Variants in ABCC5 observed in about 807,000 individuals in gnomAD.
ABCC5 encodes ATP binding cassette subfamily C member 5.
ABCC5 carries 61 observed loss-of-function variants against 160.9 expected under a neutral mutation model. That is an observed-to-expected ratio of 0.38 (90% CI 0.31 to 0.47). The LOEUF is 0.47. Among genes scored for constraint, ABCC5 ranks in the 20% least tolerant of loss-of-function variants. The pLI is 0.99. For missense variants in ABCC5, 1,308 were observed against 1,813.3 expected (o/e 0.72, Z 5.06); for synonymous variants, 666 against 700.6 (o/e 0.95, Z 0.78).
intron 2 of ABCC5, among the ~76,000 whole-genome samples, chr3:184,007,742 G>A (rs926711916): frequency 2.6e-5 from 4 of 152,110 alleles, no homozygotes; most frequent in African/African-American, 9.7e-5. Context: ...GAGGAGAATC[G>A]CTTGAACTTG....
intron 2 of ABCC5, among the ~76,000 whole-genome samples, chr3:183,990,582 A>C (rs564857396): frequency 6.6e-6 from 1 of 152,330 alleles, no homozygotes; most frequent in Non-Finnish European, 1.5e-5. Context: ...CCTGCCACAC[A>C]GAAAGAGCCT....
chr3:183,977,579 T>G lies in ABCC5; in HGVS notation c.1342A>C (p.Lys448Gln). 6.2e-7 allele frequency: 1 copy of G among 1,614,096 alleles called. No homozygotes were observed. The highest frequency in any genetic ancestry group is 1.7e-5 in the Admixed American group (1 of 60,016). Residue 448 changes from lysine (K) to glutamine (Q), a missense_variant, in exon 10 of 30, where the codon AAA (lysine) becomes CAA (glutamine). This residue lies in a region of ABCC5 where 1,142 missense variants were observed against 1,527.1 expected (regional missense o/e 0.75). Transcript: ENST00000334444. ...TVFNSMTFAL[K>Q]VTPFSVKSLS... Reference sequence around the variant, plus strand: ...GACTTTACTGAAAACGGTGTTACTTTCAAAGCAAAAGTCATGGAATTGAAG... The same window carrying G: ...GACTTTACTGAAAACGGTGTTACTTGCAAAGCAAAAGTCATGGAATTGAAG...
chr3:183,990,172 G>A (rs1333295520), intron 2 of ABCC5, among the ~76,000 whole-genome samples: 4 of 151,806 alleles, frequency 2.6e-5, no homozygotes, highest in African/African-American at 9.7e-5. Flanking sequence ...GCAGTGGCAT[G>A]ATCTTGGATC....
rs1230302046 is a variant in ABCC5 at position 183,982,819 on chromosome 3, C to T, written c.780G>A (p.Lys260=). ...LRGAILTMAF[K]KILKLKNIKE... Reference sequence around the variant, plus strand: ...TAATGTTCTTTAACTTAAGGATCTTCTTAAATGCCATGGTTAGGATGGCCC... The same window carrying T: ...TAATGTTCTTTAACTTAAGGATCTTTTTAAATGCCATGGTTAGGATGGCCC... The change falls in exon 6 of 30, where the codon AAG becomes AAA. Residue 260 remains lysine, a synonymous_variant. Transcript: ENST00000334444. The surrounding 1 kb of genome is among the most constrained non-coding windows in gnomAD (Gnocchi z 5.2). 1 of 1,614,220 alleles carries T rather than the reference C, an allele frequency of 6.2e-7. No individual in the cohort carries two copies. The highest frequency in any genetic ancestry group is 1.7e-5 in the Admixed American group (1 of 60,026).
intron 12 of ABCC5, among the ~76,000 whole-genome samples, chr3:183,965,815 T>C (rs1006657147): frequency 2.0e-4 from 30 of 152,320 alleles, no homozygotes; most frequent in Admixed American, 1.6e-3. Context: ...TGCAGAATTC[T>C]CCTGGAGAGG....
Position 183,965,213 on chromosome 3 carries a change from G to C in ABCC5, c.2003C>G (p.Ala668Gly). 6.2e-7 allele frequency: 1 copy of C among 1,614,196 alleles called. No homozygotes were observed. Among genetic ancestry groups the C allele is most frequent in the African/African-American group, 1.3e-5 (1 of 75,062 alleles). Residue 668 changes from alanine (A) to glycine (G), a missense_variant, in exon 14 of 30, where the codon GCC (alanine) becomes GGC (glycine). By Grantham distance (60) the Ala-to-Gly change is moderately conservative. Transcript: ENST00000334444. Reference sequence around the variant, plus strand: ...CGTCAGGTCGCTGCTGGGAAGAATGGCCAGGTCAGGCCTCAGGCAGCAGCT... The same window carrying C: ...CGTCAGGTCGCTGCTGGGAAGAATGCCCAGGTCAGGCCTCAGGCAGCAGCT... Reference protein sequence around the residue: ...LNSCCLRPDLAILPSSDLTEI... With the variant: ...LNSCCLRPDLGILPSSDLTEI...
intron 23 of ABCC5, 85 bp downstream of exon 23, chr3:183,947,239 G>A: frequency 1.5e-6 from 2 of 1,365,822 alleles, no homozygotes; most frequent in Non-Finnish European, 1.9e-6. Context: ...GCTCAGGGTG[G>A]AGCCCCCCAC....
chr3:183,956,702 A>G (rs1042656029), intron 17 of ABCC5, among the ~76,000 whole-genome samples: 2 of 69,422 alleles, frequency 2.9e-5, no homozygotes, highest in Non-Finnish European at 5.3e-5. Flanking sequence ...ATCCGTGTGT[A>G]TATCATATAG....
chr3:183,976,400 G>A (rs113780654), intron 10 of ABCC5, among the ~76,000 whole-genome samples: 172 of 151,982 alleles, frequency 1.1e-3, no homozygotes, highest in African/African-American at 3.9e-3. Flanking sequence ...GACTGTGGGC[G>A]CACACCACTG....
intron 14 of ABCC5, among the ~76,000 whole-genome samples, chr3:183,964,095 A>G (rs1173711770): frequency 6.6e-6 from 1 of 152,178 alleles, no homozygotes; most frequent in African/African-American, 2.4e-5. Context: ...GTATACTATG[A>G]ACATGACAAT....
intron 2 of ABCC5, chr3:184,006,520 G>A (rs1467305788): frequency 6.6e-6 from 1 of 152,186 alleles, no homozygotes; most frequent in Non-Finnish European, 1.5e-5. Flanking sequence ...TCCTTAGTCT[G>A]TAAAGAAAAG....
intron 27 of ABCC5, 84 bp from the exon 28 acceptor site, chr3:183,927,527 T>C: frequency 2.0e-6 from 3 of 1,509,532 alleles, no homozygotes; most frequent in Non-Finnish European, 2.7e-6. Flanking sequence ...GAAATGATTC[T>C]GAAAGCGATG....
intron 10 of ABCC5, among the ~76,000 whole-genome samples, chr3:183,972,429 A>G (rs1717839549): frequency 6.6e-6 from 1 of 152,184 alleles, no homozygotes; most frequent in Admixed American, 6.5e-5. Context: ...TACCGTCAGA[A>G]AAGAGTATCT....
Position 183,947,466 on chromosome 3 carries a change from A to C in ABCC5, c.3272T>G (p.Phe1091Cys). 6.2e-7 allele frequency: 1 copy of C among 1,608,914 alleles called. No homozygotes were observed. ...LDDNQAPFFL[F>C]TCAMRWLAVR... Reference sequence around the variant, plus strand: ...AGCCAGCCACCGCATCGCACACGTAAACAAAAAAAAAGGAGCTTGGTTGTC... The same window carrying C: ...AGCCAGCCACCGCATCGCACACGTACACAAAAAAAAAGGAGCTTGGTTGTC... Residue 1091 changes from phenylalanine to cysteine, a missense_variant, in exon 23 of 30, where the codon TTT (phenylalanine) becomes TGT (cysteine). Physicochemically the swap from Phe to Cys is radical, Grantham distance 205. This residue lies in a region of ABCC5 where 1,142 missense variants were observed against 1,527.1 expected (regional missense o/e 0.75). Coordinates refer to ENST00000334444, the MANE Select transcript of ABCC5 (RefSeq NM_005688.4).
Position 184,014,203 on chromosome 3 carries a change from C to T in ABCC5, c.129+61G>A, listed in dbSNP as rs371353013. 1.8e-4 allele frequency: 272 copies of T among 1,513,330 alleles called. 4 individuals carry two copies. In the South Asian group the frequency reaches 2.2e-3, roughly 12 times the overall value. The allele number at this position is 1,513,330 out of a possible 1,614,324, so 93.7% of individuals were successfully genotyped here. ...ATAAGTTTCTAAATTACCCATTATA[C>T]GAAAAAAGATGTGTTTTAGTACAAC... is the stretch of plus-strand genomic sequence containing the variant. On this transcript the variant is annotated intron_variant, in intron 2 of 29. Transcript: ENST00000334444.
At chr3:184,001,392 T>C (rs1720732401) in intron 2 of ABCC5, 2 of 418,742 alleles carry the variant, frequency 4.8e-6, no homozygotes, top group South Asian at 6.7e-5. Context: ...TTTTTCGTAC[T>C]AAGTCTCTGA....
intron 5 of ABCC5, chr3:183,983,872 A>G: frequency 1.1e-5 from 11 of 985,494 alleles, no homozygotes; most frequent in Non-Finnish European, 1.3e-5. Flanking sequence ...AAACATACAG[A>G]GTCGAGTTAT....
chr3:183,984,220 A>C, intron 5 of ABCC5: 1 of 985,688 alleles, frequency 1.0e-6, no homozygotes, highest in South Asian at 4.7e-5. Context: ...CCTAGGCCTC[A>C]AGGAAAAACT....
intron 2 of ABCC5, among the ~76,000 whole-genome samples, chr3:184,005,731 G>T (rs895577825): frequency 9.9e-5 from 15 of 151,986 alleles, no homozygotes; most frequent in Non-Finnish European, 2.2e-4. Context: ...GTATACATAT[G>T]TAACAAACCT....
Sources: gnomAD v4.1 joint callset for allele counts (sites outside exome capture counted in the v4.1 genomes callset) on GRCh38, gnomAD v4.1.1 for gene constraint, gnomAD v4.1.1 regional missense constraint, Gnocchi (gnomAD v3.1) non-coding constraint, MANE v1.5 for transcripts, NCBI Gene and HGNC (gene_info 2026-07-23, HGNC 2026-07-21) for gene names.